Variants in ETV6 observed in about 807,000 individuals in gnomAD.
ETV6 encodes the protein ETS variant transcription factor 6.
A neutral mutation model predicts 51.1 loss-of-function variants in ETV6; 16 were observed. The observed-to-expected ratio is 0.31, with a 90% CI of 0.21 to 0.48. The LOEUF is 0.48. Ranked by LOEUF, ETV6 falls within the 20% of genes least tolerant of loss-of-function variation. The pLI is 0.99. For synonymous variants in ETV6, 240 were observed against 224.1 expected (o/e 1.07, Z -0.64); for missense variants, 458 against 594.8 (o/e 0.77, Z 2.39).
intron 2 of ETV6, among the ~76,000 whole-genome samples, chr12:11,807,691 G>A (rs1945849039): frequency 6.6e-6 from 1 of 152,128 alleles, no homozygotes; most frequent in Middle Eastern, 3.2e-3. Context: ...ACAGAGGGAG[G>A]CTTTACCTAA....
At chr12:11,770,192 G>A (rs544646533) in intron 2 of ETV6, among the ~76,000 whole-genome samples, 11 of 152,056 alleles carry the variant, frequency 7.2e-5, no homozygotes, top group South Asian at 2.1e-4. Context: ...AACAAGCCTC[G>A]TTGGCCTTGA....
At chr12:11,655,994 G>A (rs1054046980) in intron 1 of ETV6, among the ~76,000 whole-genome samples, 1 of 152,208 alleles carries the variant, frequency 6.6e-6, no homozygotes, top group Non-Finnish European at 1.5e-5. Flanking sequence ...GCTATATAGT[G>A]ATTTATTACA....
At chr12:11,728,407 C>T (rs921601732) in intron 1 of ETV6, among the ~76,000 whole-genome samples, 8 of 152,210 alleles carry the variant, frequency 5.3e-5, no homozygotes, top group South Asian at 4.1e-4. Flanking sequence ...ACCTGAGCTC[C>T]GCCTCCTGTC....
chr12:11,775,826 A>G (rs944499761), intron 2 of ETV6, among the ~76,000 whole-genome samples: 22 of 152,226 alleles, frequency 1.4e-4, no homozygotes, highest in African/African-American at 4.8e-4. Flanking sequence ...CCCTGCACTG[A>G]GCACCAAGTT....
At chr12:11,664,645 A>G (rs933073882) in intron 1 of ETV6, among the ~76,000 whole-genome samples, 6 of 152,182 alleles carry the variant, frequency 3.9e-5, no homozygotes, top group Admixed American at 2.0e-4. Context: ...TCCACGATGC[A>G]CTAACAGACT....
intron 5 of ETV6, among the ~76,000 whole-genome samples, chr12:11,872,925 C>T (rs574838152): frequency 1.8e-4 from 28 of 152,224 alleles, no homozygotes; most frequent in African/African-American, 6.7e-4. Flanking sequence ...TGGGTGCCCG[C>T]TCTCTCAAGG....
chr12:11,773,412 G>T (rs1945271958), intron 2 of ETV6, among the ~76,000 whole-genome samples: 1 of 152,124 alleles, frequency 6.6e-6, no homozygotes, highest in Admixed American at 6.5e-5. Context: ...CATGATGTCG[G>T]AATGAACAAG....
chr12:11,832,459 G>T (rs1338079237), intron 2 of ETV6, among the ~76,000 whole-genome samples: 1 of 152,224 alleles, frequency 6.6e-6, no homozygotes, highest in African/African-American at 2.4e-5. Flanking sequence ...ATCCTTCAGG[G>T]TTGTGGGAAA....
At chr12:11,715,162 C>T (rs141034408) in intron 1 of ETV6, among the ~76,000 whole-genome samples, 2 of 152,316 alleles carry the variant, frequency 1.3e-5, no homozygotes, top group Non-Finnish European at 2.9e-5. Context: ...AGCATATACA[C>T]TGAAAACCAC....
rs534728176 is a variant in ETV6 at position 11,892,906 on chromosome 12, C to T, written c.*1860C>T. The T allele has an allele frequency of 2.6e-5, 6 of 233,026 alleles. No homozygotes were observed. Among genetic ancestry groups the T allele is most frequent in the Non-Finnish European group, 5.1e-5 (6 of 118,000 alleles). The allele number at this position is 233,026 out of a possible 1,614,324, so 14.4% of individuals were successfully genotyped here. ...AGGAGCTGATCAAGGCTCTCTTCAG[C>T]CTTGCTCTGTCCCTGCCTCTTATCA... On this transcript the variant is annotated 3_prime_UTR_variant, in exon 8 of 8. Coordinates refer to ENST00000396373, the MANE Select transcript of ETV6 (RefSeq NM_001987.5).
intron 7 of ETV6, 22 bp from the exon 8 acceptor site, chr12:11,890,919 T>TC (rs748760533): frequency 6.3e-7 from 1 of 1,583,826 alleles, no homozygotes; most frequent in Non-Finnish European, 8.7e-7. Flanking sequence ...ATCTCTTACC[T>TC]CCTCCACTTC....
chr12:11,687,692 T>C (rs545560684), intron 1 of ETV6, among the ~76,000 whole-genome samples: 2 of 152,362 alleles, frequency 1.3e-5, no homozygotes, highest in African/African-American at 4.8e-5. Flanking sequence ...TAAGATACTT[T>C]CAAGCATTGT....
intron 2 of ETV6, among the ~76,000 whole-genome samples, chr12:11,776,218 C>G (rs1466911184): frequency 6.6e-6 from 1 of 152,066 alleles, no homozygotes; most frequent in Admixed American, 6.6e-5. Context: ...GATGAGGATG[C>G]GGGACATTGT....
At chr12:11,710,557 G>A (rs1377053143) in intron 1 of ETV6, among the ~76,000 whole-genome samples, 1 of 152,180 alleles carries the variant, frequency 6.6e-6, no homozygotes, top group Non-Finnish European at 1.5e-5. Context: ...CGACTTTAGA[G>A]CGCTTGCTTC....
At chr12:11,753,263 G>C (rs1295590217) in intron 2 of ETV6, among the ~76,000 whole-genome samples, 1 of 152,180 alleles carries the variant, frequency 6.6e-6, no homozygotes, top group Non-Finnish European at 1.5e-5. Flanking sequence ...ACTTGGCAGA[G>C]GTTTGGGGCC....
intron 2 of ETV6, among the ~76,000 whole-genome samples, chr12:11,792,939 T>C (rs1323139760): frequency 3.3e-5 from 5 of 152,056 alleles, no homozygotes; most frequent in Admixed American, 6.6e-5. Flanking sequence ...GTTGGAAAAA[T>C]AATTTAACAG....
At chr12:11,706,205 G>A (rs935097386) in intron 1 of ETV6, among the ~76,000 whole-genome samples, 2 of 152,202 alleles carry the variant, frequency 1.3e-5, no homozygotes, top group Admixed American at 6.5e-5. Flanking sequence ...CCTTTCATTT[G>A]CAGTGCAGCT....
chr12:11,795,846 G>C (rs1490826639), intron 2 of ETV6, among the ~76,000 whole-genome samples: 4 of 152,202 alleles, frequency 2.6e-5, no homozygotes, highest in Non-Finnish European at 5.9e-5. Flanking sequence ...CCACTTCATA[G>C]GGTGGTTCGA....
intron 2 of ETV6, among the ~76,000 whole-genome samples, chr12:11,830,516 C>T (rs777180377): frequency 6.6e-6 from 1 of 152,212 alleles, no homozygotes; most frequent in Non-Finnish European, 1.5e-5. Flanking sequence ...GCGGAAGCAT[C>T]TGGTAATGTT....
Sources: gnomAD v4.1 joint callset for allele counts (sites outside exome capture counted in the v4.1 genomes callset) on GRCh38, gnomAD v4.1.1 for gene constraint, MANE v1.5 for transcripts, NCBI Gene and HGNC (gene_info 2026-07-23, HGNC 2026-07-21) for gene names.